Variants in ENTREP2 observed in about 807,000 individuals in gnomAD.
ENTREP2 encodes the protein protein ENTREP2.
the ENTREP2 span, among the ~76,000 whole-genome samples, chr15:29,564,314 T>C: frequency 6.6e-6 from 1 of 152,244 alleles, no homozygotes; most frequent in Non-Finnish European, 1.5e-5. Flanking sequence ...TCCAAGGCTA[T>C]ATGCTCTCAG....
chr15:29,211,113 G>A, the ENTREP2 span, among the ~76,000 whole-genome samples: 1 of 152,186 alleles, frequency 6.6e-6, no homozygotes, highest in Admixed American at 6.5e-5. Context: ...ATAATGGAAA[G>A]AGTAAAAAAT....
At chr15:29,351,987 T>G in the ENTREP2 span, among the ~76,000 whole-genome samples, 1 of 151,738 alleles carries the variant, frequency 6.6e-6, no homozygotes, top group African/African-American at 2.4e-5. Flanking sequence ...CAGGCAACAA[T>G]GTAGTGGCAC....
the ENTREP2 span, among the ~76,000 whole-genome samples, chr15:29,655,995 G>A: frequency 1.7e-4 from 24 of 141,498 alleles, 1 homozygote; most frequent in Middle Eastern, 0.015. Flanking sequence ...CCGCACTCCA[G>A]CCCGGGTGAC....
the ENTREP2 span, among the ~76,000 whole-genome samples, chr15:29,367,379 T>C: frequency 1.3e-5 from 2 of 152,216 alleles, no homozygotes; most frequent in African/African-American, 2.4e-5. Flanking sequence ...CTAGTTATAT[T>C]TGACCTGACC....
chr15:29,176,321 C>T, the ENTREP2 span, among the ~76,000 whole-genome samples: 1 of 152,088 alleles, frequency 6.6e-6, no homozygotes, highest in Non-Finnish European at 1.5e-5. Context: ...GTGGGAGGAG[C>T]CCCCACCTTT....
At chr15:29,365,954 G>T in the ENTREP2 span, among the ~76,000 whole-genome samples, 1 of 152,146 alleles carries the variant, frequency 6.6e-6, no homozygotes, top group Non-Finnish European at 1.5e-5. Flanking sequence ...CACGTGTCCT[G>T]TGCTCTGATG....
the ENTREP2 span, among the ~76,000 whole-genome samples, chr15:29,235,981 CAAAA>C: frequency 1.6e-5 from 2 of 121,648 alleles, no homozygotes; most frequent in Admixed American, 1.7e-4. Context: ...CAAAACAAAA[CAAAA>C]AAAAACCCAA....
chr15:29,492,060 T>C, the ENTREP2 span, among the ~76,000 whole-genome samples: 4 of 131,106 alleles, frequency 3.1e-5, no homozygotes, highest in South Asian at 9.4e-4. Flanking sequence ...CTACTGTTGG[T>C]TTGATTTTTT....
At chr15:29,244,829 A>G in the ENTREP2 span, among the ~76,000 whole-genome samples, 1 of 152,182 alleles carries the variant, frequency 6.6e-6, no homozygotes, top group East Asian at 1.9e-4. Context: ...AAGCTCAGCA[A>G]ATGGGGAGAT....
At chr15:29,597,013 A>T in the ENTREP2 span, among the ~76,000 whole-genome samples, 1 of 151,742 alleles carries the variant, frequency 6.6e-6, no homozygotes, top group East Asian at 1.9e-4. Context: ...TGCTCTCTGC[A>T]CTGTAAAGTT....
At chr15:29,245,530 G>C in the ENTREP2 span, among the ~76,000 whole-genome samples, 1 of 151,604 alleles carries the variant, frequency 6.6e-6, no homozygotes, top group African/African-American at 2.4e-5. Context: ...AAAGTCAAAA[G>C]ATGCATAACA....
chr15:29,496,109 G>C, the ENTREP2 span, among the ~76,000 whole-genome samples: 1 of 151,922 alleles, frequency 6.6e-6, no homozygotes, highest in Admixed American at 6.6e-5. Flanking sequence ...TTGGTGTATA[G>C]ATCTTGCATC....
At chr15:29,463,954 C>T in the ENTREP2 span, among the ~76,000 whole-genome samples, 2 of 152,142 alleles carry the variant, frequency 1.3e-5, no homozygotes, top group African/African-American at 2.4e-5. Flanking sequence ...ATAAGCCAGC[C>T]ATGAAACGAC....
chr15:29,393,193 C>T, the ENTREP2 span, among the ~76,000 whole-genome samples: 2 of 152,260 alleles, frequency 1.3e-5, no homozygotes, highest in South Asian at 2.1e-4. Flanking sequence ...GATGCTTGAG[C>T]GCTTGGAAGT....
chr15:29,316,546 T>A, the ENTREP2 span, among the ~76,000 whole-genome samples: 1 of 152,242 alleles, frequency 6.6e-6, no homozygotes, highest in South Asian at 2.1e-4. Context: ...GGCATGTATG[T>A]ATTTTGACAC....
the ENTREP2 span, among the ~76,000 whole-genome samples, chr15:29,310,837 A>C: frequency 1.2e-4 from 18 of 152,248 alleles, no homozygotes; most frequent in Non-Finnish European, 1.5e-5. Context: ...CAAAGTGAGA[A>C]AAACAAGACT....
the ENTREP2 span, among the ~76,000 whole-genome samples, chr15:29,327,730 A>AC: frequency 6.6e-6 from 1 of 152,202 alleles, no homozygotes; most frequent in Non-Finnish European, 1.5e-5. Flanking sequence ...ACAATAAGAT[A>AC]CCATTACATA....
the ENTREP2 span, chr15:29,196,374 ACTGT>A: frequency 1.3e-6 from 2 of 1,530,090 alleles, no homozygotes; most frequent in Non-Finnish European, 1.8e-6. Flanking sequence ...GGCTTCCTAA[ACTGT>A]CTGTAAGGCA....
At chr15:29,444,847 C>G in the ENTREP2 span, among the ~76,000 whole-genome samples, 1 of 152,170 alleles carries the variant, frequency 6.6e-6, no homozygotes, top group Non-Finnish European at 1.5e-5. Flanking sequence ...CTCCACAGTC[C>G]CTGGAGGGGG....
Sources: allele counts gnomAD v4.1 joint callset (sites outside exome capture counted in the v4.1 genomes callset), GRCh38; gene constraint gnomAD v4.1.1; transcripts MANE v1.5; gene names NCBI Gene and HGNC (gene_info 2026-07-23, HGNC 2026-07-21).